SPPL3: variants seen among roughly 807,000 people sequenced by gnomAD.
The protein encoded by SPPL3 is signal peptide peptidase like 3.
SPPL3 carries 5 observed loss-of-function variants against 42.4 expected under a neutral mutation model. The ratio of observed to expected loss-of-function variants is 0.12; its 90% CI spans 0.06 to 0.25. The LOEUF (loss-of-function observed/expected upper bound fraction) is 0.25. Among genes scored for constraint, SPPL3 ranks in the 10% least tolerant of loss-of-function variants. SPPL3 has a pLI of 1.00. For synonymous variants in SPPL3, 195 were observed against 181.8 expected, an observed-to-expected ratio of 1.07 and a Z score of -0.58; for missense variants, 235 against 489.0, an observed-to-expected ratio of 0.48 and a Z score of 4.90.
At position 120,844,942 on chromosome 12, in the gene SPPL3, A is replaced by G. The variant is rs116636976; in HGVS notation, c.24-34056T>C. 3.3e-3 allele frequency among the ~76,000 whole-genome samples: 506 copies of G among 151,994 alleles called. 1 individual carries two copies. The highest frequency in any genetic ancestry group is 0.012 in the African/African-American group (482 of 41,448). On this transcript the variant is annotated intron_variant, in intron 1 of 10. Transcript: ENST00000353487. ...CTAATTGGAAACAGAAACTATTTAC[A>G]TTGAATAAAAAGCCTGGCTGCAGGC...
intron 1 of SPPL3, among the ~76,000 whole-genome samples, chr12:120,856,150 T>C (rs1404719182): frequency 6.6e-6 from 1 of 152,142 alleles, no homozygotes; most frequent in Non-Finnish European, 1.5e-5. Context: ...TAAATTTAAA[T>C]AGCCCCATGT....
At chr12:120,825,009 C>T (rs940403386) in intron 1 of SPPL3, among the ~76,000 whole-genome samples, 49 of 151,948 alleles carry the variant, frequency 3.2e-4, no homozygotes, top group African/African-American at 1.2e-3. Flanking sequence ...GCCCCCCACC[C>T]CCAGTCCCTT....
intron 2 of SPPL3, among the ~76,000 whole-genome samples, chr12:120,792,155 T>C (rs11833706): frequency 0.19 from 29,562 of 152,054 alleles, 4,590 homozygotes; most frequent in African/African-American, 0.41. Context: ...GGAGGAAAAC[T>C]AGGAAATGCA....
intron 2 of SPPL3, among the ~76,000 whole-genome samples, chr12:120,802,372 TATATATGTATATATATACAC>T (rs1392433677): frequency 3.5e-5 from 5 of 142,322 alleles, no homozygotes; most frequent in Middle Eastern, 3.6e-3. Context: ...TATATATACA[TATATATGTATATATATACAC>T]ATATATGTGT....
At chr12:120,870,972 C>CA (rs531251027) in intron 1 of SPPL3, among the ~76,000 whole-genome samples, 107 of 147,124 alleles carry the variant, frequency 7.3e-4, no homozygotes, top group Middle Eastern at 3.5e-3. Context: ...TACTAAAACA[C>CA]AAAAAAAAAC....
intron 9 of SPPL3, among the ~76,000 whole-genome samples, chr12:120,766,588 C>T (rs1868917219): frequency 1.3e-5 from 2 of 152,224 alleles, no homozygotes; most frequent in Admixed American, 1.3e-4. Flanking sequence ...ACCCAAGTCT[C>T]ACTCCTTGCT....
At chr12:120,876,016 A>ACCCCCCC (rs36042995) in intron 1 of SPPL3, among the ~76,000 whole-genome samples, 9 of 144,028 alleles carry the variant, frequency 6.2e-5, no homozygotes, top group Non-Finnish European at 1.1e-4. Context: ...AAACAAACAG[A>ACCCCCCC]CCCCCCCCAC....
At chr12:120,840,038 T>C (rs1337096942) in intron 1 of SPPL3, among the ~76,000 whole-genome samples, 1 of 151,938 alleles carries the variant, frequency 6.6e-6, no homozygotes, top group Non-Finnish European at 1.5e-5. Flanking sequence ...CCAGACACTT[T>C]GGGAGGCCGA....
At chr12:120,850,858 G>T (rs1275912809) in intron 1 of SPPL3, among the ~76,000 whole-genome samples, 2 of 152,126 alleles carry the variant, frequency 1.3e-5, no homozygotes, top group African/African-American at 4.8e-5. Flanking sequence ...ACAACCTCTT[G>T]TTTCCATCGT....
rs1868944941 is a variant in SPPL3, at chr12:120,767,189, G to A, written c.973+205C>T. On this transcript the variant is annotated intron_variant, in intron 9 of 10. Transcript: ENST00000353487. ...AGGACTGACCTGCTTTTCCTACAAC[G>A]TTCTTCAGATACACAGCTGGAGAGG... Among the ~76,000 whole-genome samples, 6 of 152,274 alleles carry A rather than the reference G, an allele frequency of 3.9e-5. No individual in the cohort carries two copies. The South Asian group carries it at 1.2e-3, about 32-fold the overall frequency.
At chr12:120,807,742 A>G (rs965907923) in intron 2 of SPPL3, among the ~76,000 whole-genome samples, 1 of 152,086 alleles carries the variant, frequency 6.6e-6, no homozygotes, top group African/African-American at 2.4e-5. Context: ...AGCAGGAAAA[A>G]AACAAAAACC....
At chr12:120,879,674 T>C (rs1873220059) in intron 1 of SPPL3, among the ~76,000 whole-genome samples, 1 of 152,128 alleles carries the variant, frequency 6.6e-6, no homozygotes, top group African/African-American at 2.4e-5. Flanking sequence ...GAACCATTAA[T>C]TGCAGAGTCA....
At chr12:120,893,623 A>G (rs1486748130) in intron 1 of SPPL3, among the ~76,000 whole-genome samples, 1 of 152,052 alleles carries the variant, frequency 6.6e-6, no homozygotes, top group East Asian at 1.9e-4. Flanking sequence ...ACTCTCAGTA[A>G]TGACTTCCTT....
intron 1 of SPPL3, among the ~76,000 whole-genome samples, chr12:120,837,841 A>C (rs1019461279): frequency 1.3e-5 from 2 of 151,772 alleles, no homozygotes; most frequent in Non-Finnish European, 2.9e-5. Context: ...CACACACATG[A>C]CTAGTGCCTA....
intron 1 of SPPL3, among the ~76,000 whole-genome samples, chr12:120,843,026 GC>G (rs1414968115): frequency 6.6e-6 from 1 of 152,072 alleles, no homozygotes; most frequent in Admixed American, 6.6e-5. Context: ...TTAAATTACA[GC>G]CTCAAACTAG....
chr12:120,886,901 T>A (rs544160755), intron 1 of SPPL3, among the ~76,000 whole-genome samples: 1 of 152,194 alleles, frequency 6.6e-6, no homozygotes, highest in African/African-American at 2.4e-5. Context: ...CTAGTCTGAA[T>A]TGAGAAGATC....
intron 1 of SPPL3, among the ~76,000 whole-genome samples, chr12:120,900,557 G>A (rs540457172): frequency 2.7e-5 from 4 of 146,368 alleles, no homozygotes; most frequent in African/African-American, 1.0e-4. Flanking sequence ...TCTTGCCACT[G>A]CACTCCAGCC....
At position 120,764,902 on chromosome 12, in the gene SPPL3, T is replaced by A; in HGVS notation, c.*97A>T. ...CACACGGCAGTTCCTTAAACACAGG[T>A]ACATTTCTGAGTACCAGGCCAGCTC... On this transcript the variant is annotated 3_prime_UTR_variant, in exon 11 of 11. Coordinates refer to ENST00000353487, the MANE Select transcript of SPPL3 (RefSeq NM_139015.5). 7.5e-7 allele frequency: 1 copy of A among 1,335,754 alleles called. No individual in the cohort carries two copies. The highest frequency in any genetic ancestry group is 1.0e-6 in the Non-Finnish European group (1 of 965,886). The allele number at this position is 1,335,754 out of a possible 1,614,324, so 82.7% of individuals were successfully genotyped here. A position where few individuals can be genotyped will look rare whatever the true frequency, so the allele number is the denominator to read the frequency against.
intron 2 of SPPL3, among the ~76,000 whole-genome samples, chr12:120,803,839 G>A (rs1870406181): frequency 6.6e-6 from 1 of 152,058 alleles, no homozygotes; most frequent in African/African-American, 2.4e-5. Flanking sequence ...TGTGTATGAT[G>A]TTTTCTTCAA....
Sources: allele counts gnomAD v4.1 joint callset (sites outside exome capture counted in the v4.1 genomes callset), GRCh38; gene constraint gnomAD v4.1.1; transcripts MANE v1.5; gene names NCBI Gene and HGNC (gene_info 2026-07-23, HGNC 2026-07-21).